The following GOLGA6L9 variants were observed in gnomAD, a reference collection of about 807,000 sequenced individuals.
GOLGA6L9 encodes the protein golgin A6 family like 9, also known as golgin subfamily A member 6-like protein 9.
A neutral mutation model predicts 51.3 loss-of-function variants in GOLGA6L9; 19 were observed. That is an observed-to-expected ratio of 0.37 (90% CI 0.26 to 0.54). The LOEUF is 0.54. Among genes scored for constraint, GOLGA6L9 ranks in the 20% least tolerant of loss-of-function variants. The probability of loss-of-function intolerance (pLI) is 0.83; values close to 1 mark genes in which losing one functional copy is unlikely to be tolerated. For missense variants in GOLGA6L9, 247 were observed against 464.1 expected (o/e 0.53, Z 4.30); for synonymous variants, 97 against 184.2 (o/e 0.53, Z 3.83).
In GOLGA6L9 at chr15:82,437,561, G is replaced by T. The variant is rs1441071756; in HGVS notation, c.*1150G>T. The T allele has an allele frequency of 3.4e-5, 4 of 116,012 alleles. No individual in the cohort carries two copies. The highest frequency in any genetic ancestry group is 1.4e-4 in the African/African-American group (4 of 28,490). The allele number at this position is 116,012 out of a possible 1,614,324, so 7.2% of individuals were successfully genotyped here. A position where few individuals can be genotyped will look rare whatever the true frequency, so the allele number is the denominator to read the frequency against. ...CTCTGTGTTCATGGAGCTTATTTGA[G>T]GCTAGAAGATGGATTTTACCATCTA... On this transcript the variant is annotated 3_prime_UTR_variant, in exon 9 of 9. Transcript: ENST00000618348.
Position 82,437,977 on chromosome 15 carries a change from G to A in GOLGA6L9, c.*1566G>A, listed in dbSNP as rs1484151583. On this transcript the variant is annotated 3_prime_UTR_variant, in exon 9 of 9. Transcript: ENST00000618348. ...ATTTATGGCTTAAAATGGACTAAAG[G>A]TCCTGTTCTTGCCTTGTCTGAACTT... The A allele has an allele frequency of 1.3e-5, 2 of 150,966 alleles. No homozygotes were observed. Among genetic ancestry groups the A allele is most frequent in the African/African-American group, 2.4e-5 (1 of 40,886 alleles). The allele number at this position is 150,966 out of a possible 1,614,324, so 9.4% of individuals were successfully genotyped here. A position where few individuals can be genotyped will look rare whatever the true frequency, so the allele number is the denominator to read the frequency against.
the GOLGA6L9 span, among the ~76,000 whole-genome samples, chr15:82,424,494 A>G: frequency 6.6e-6 from 1 of 152,296 alleles, no homozygotes; most frequent in Non-Finnish European, 1.5e-5. Flanking sequence ...GTTGAAGTTT[A>G]CCAAACACTG....
At chr15:82,419,613 G>C in the GOLGA6L9 span, among the ~76,000 whole-genome samples, 3 of 151,990 alleles carry the variant, frequency 2.0e-5, no homozygotes, top group African/African-American at 7.2e-5. Flanking sequence ...TGGTGCCACC[G>C]CACTCCAGCC....
rs1416412849 is a variant in GOLGA6L9 at position 82,434,353 on chromosome 15, G to C, written c.753G>C (p.Glu251Asp). The change falls in exon 6 of 9, where the codon GAG becomes GAC. Residue 251 changes from glutamate to aspartate, a missense_variant. Glu to Asp is a conservative substitution (Grantham distance 45). Around this residue, in one of 9 missense-constraint regions of GOLGA6L9, gnomAD observed 35 missense variants for 86.2 expected, o/e 0.41. Coordinates refer to ENST00000618348, the MANE Select transcript of GOLGA6L9 (RefSeq NM_198181.4). The stretch of plus-strand genomic sequence containing the variant: ...CAGGGCAGGAGAGGCTGCTGGAAGA[G>C]GTGGAGAAGCTGTTAGAACAGGAGA... Reference protein sequence around the residue: ...KLPGQERLLEEVEKLLEQERR... With the variant: ...KLPGQERLLEDVEKLLEQERR... The C allele has an allele frequency of 6.6e-7, 1 of 1,520,196 alleles. No homozygotes were observed. The highest frequency in any genetic ancestry group is 1.2e-5 in the South Asian group (1 of 83,800). The allele number at this position is 1,520,196 out of a possible 1,614,324, so 94.2% of individuals were successfully genotyped here. A position where few individuals can be genotyped will look rare whatever the true frequency, so the allele number is the denominator to read the frequency against.
chr15:82,418,979 A>G, the GOLGA6L9 span, among the ~76,000 whole-genome samples: 1 of 152,208 alleles, frequency 6.6e-6, no homozygotes, highest in African/African-American at 2.4e-5. Flanking sequence ...TTCTGTTCTG[A>G]TTGCCATTTC....
chr15:82,426,021 G>T (rs1284231240), upstream of GOLGA6L9, among the ~76,000 whole-genome samples: 1 of 98,108 alleles, frequency 1.0e-5, no homozygotes, highest in Non-Finnish European at 2.0e-5. Context: ...CCATGTGTTT[G>T]TACACATGAC....
rs2031467253 is a variant in GOLGA6L9, at chr15:82,432,827, A to G, written c.275A>G (p.Gln92Arg). The stretch of plus-strand genomic sequence containing the variant: ...CTGCATGCACCTCAGAGCCAGTACC[A>G]AGAACTAGCAGTAGCCCTGGATTCA... Reference protein sequence around the residue: ...TTLQDLESQYQELAVALDSSS... With the variant: ...TTLQDLESQYRELAVALDSSS... Residue 92 changes from glutamine (Q) to arginine (R), a missense_variant, in exon 4 of 9, where the codon CAA (glutamine) becomes CGA (arginine). By Grantham distance (43) the Gln-to-Arg change is conservative. This residue lies in a region of GOLGA6L9 where 74 missense variants were observed against 91.2 expected (regional missense o/e 0.81). Coordinates refer to ENST00000618348, the MANE Select transcript of GOLGA6L9 (RefSeq NM_198181.4). 7 of 1,612,404 alleles carry G rather than the reference A, an allele frequency of 4.3e-6. No individual in the cohort carries two copies. The highest frequency in any genetic ancestry group is 5.1e-6 in the Non-Finnish European group (6 of 1,179,754).
At chr15:82,434,628 G>GCCCTCTTCC in intron 6 of GOLGA6L9, 26 bp downstream of exon 6, 1 of 1,500,480 alleles carries the variant, frequency 6.7e-7, no homozygotes, top group East Asian at 2.5e-5. Flanking sequence ...TGGGGAGGCT[G>GCCCTCTTCC]CCCTCTTCCC....
chr15:82,432,904 G>A lies in GOLGA6L9; in HGVS notation c.345+7G>A. On this transcript the variant is annotated splice_region_variant and intron_variant, in intron 4 of 8. Coordinates refer to ENST00000618348, the MANE Select transcript of GOLGA6L9 (RefSeq NM_198181.4). Reference sequence around the variant, plus strand: ...TGAAAACATCAATTCACTGGTAAGAGTCCAGTGGGGTCCCCTGATTACAGC... The same window carrying A: ...TGAAAACATCAATTCACTGGTAAGAATCCAGTGGGGTCCCCTGATTACAGC... 1 of 1,605,002 alleles carries A rather than the reference G, an allele frequency of 6.2e-7. No individual in the cohort carries two copies. Among genetic ancestry groups the A allele is most frequent in the African/African-American group, 1.3e-5 (1 of 74,580 alleles).
upstream of GOLGA6L9, among the ~76,000 whole-genome samples, chr15:82,428,415 A>G (rs2031268622): frequency 2.0e-5 from 2 of 98,540 alleles, no homozygotes; most frequent in Admixed American, 1.2e-4. Flanking sequence ...TCATACAAAT[A>G]AAACACATTG....
At chr15:82,417,195 T>C in the GOLGA6L9 span, among the ~76,000 whole-genome samples, 1 of 152,256 alleles carries the variant, frequency 6.6e-6, no homozygotes, top group Admixed American at 6.5e-5. Context: ...GCTGTACAGC[T>C]TTGACAACTG....
the GOLGA6L9 span, among the ~76,000 whole-genome samples, chr15:82,417,455 A>C: frequency 5.9e-5 from 9 of 152,218 alleles, no homozygotes; most frequent in Non-Finnish European, 1.0e-4. Flanking sequence ...ATATTAAGGA[A>C]AAGTTTACTT....
chr15:82,428,991 G>T (rs2031293906), upstream of GOLGA6L9, among the ~76,000 whole-genome samples: 1 of 152,088 alleles, frequency 6.6e-6, no homozygotes, highest in Admixed American at 6.5e-5. Flanking sequence ...AATGGGCCTT[G>T]TATTTGTTTT....
Position 82,437,646 on chromosome 15 carries a change from T to C in GOLGA6L9, c.*1235T>C, listed in dbSNP as rs2031746852. 7.3e-6 allele frequency: 1 copy of C among 136,650 alleles called. No homozygotes were observed. The highest frequency in any genetic ancestry group is 1.6e-5 in the Non-Finnish European group (1 of 63,814). 8.5% of individuals were successfully genotyped at this position (136,650 alleles called of 1,614,324 possible). A position where few individuals can be genotyped will look rare whatever the true frequency, so the allele number is the denominator to read the frequency against. On this transcript the variant is annotated 3_prime_UTR_variant, in exon 9 of 9. Transcript: ENST00000618348. The stretch of plus-strand genomic sequence containing the variant: ...TGACATAGGAATTTACTTCTTTTCC[T>C]TGAATGGAGAACACTTTAAAAATAA...
the GOLGA6L9 span, chr15:82,418,681 T>G: frequency 1.3e-5 from 2 of 152,234 alleles, no homozygotes; most frequent in Non-Finnish European, 2.9e-5. Context: ...TAGAAAGGAC[T>G]TGAGGAGTCC....
chr15:82,433,362 CCTGT>C (rs1474262151), intron 4 of GOLGA6L9, among the ~76,000 whole-genome samples, 196 bp from the exon 5 acceptor site: 3 of 151,930 alleles, frequency 2.0e-5, no homozygotes, highest in Non-Finnish European at 4.4e-5. Flanking sequence ...GCGAAGGGCT[CCTGT>C]CTGTCCTTTG....
intron 5 of GOLGA6L9, 73 bp from the exon 6 acceptor site, chr15:82,433,961 T>G: frequency 6.7e-7 from 1 of 1,481,708 alleles, no homozygotes; most frequent in Non-Finnish European, 8.8e-7. Context: ...GGAGGAGCTG[T>G]GCACCAAAGG....
At chr15:82,420,504 C>A in the GOLGA6L9 span, among the ~76,000 whole-genome samples, 1 of 151,760 alleles carries the variant, frequency 6.6e-6, no homozygotes, top group Non-Finnish European at 1.5e-5. Flanking sequence ...CTATGCTTAC[C>A]AAGTCTTTTT....
chr15:82,420,145 T>C, the GOLGA6L9 span: 3 of 187,838 alleles, frequency 1.6e-5, no homozygotes, highest in South Asian at 3.8e-4. Flanking sequence ...CTTCTTCCTA[T>C]CTTAATTCTT....
Sources: allele counts gnomAD v4.1 joint callset (sites outside exome capture counted in the v4.1 genomes callset), GRCh38; gene constraint gnomAD v4.1.1; regional missense constraint gnomAD v4.1.1; transcripts MANE v1.5; gene names NCBI Gene and HGNC (gene_info 2026-07-23, HGNC 2026-07-21).